Variants in KCNQ4 observed in about 807,000 individuals in gnomAD.
KCNQ4 encodes the protein potassium voltage-gated channel subfamily KQT member 4.
A neutral mutation model predicts 72.6 loss-of-function variants in KCNQ4; 31 were observed. The ratio of observed to expected loss-of-function variants is 0.43; its 90% CI spans 0.32 to 0.58. The LOEUF (loss-of-function observed/expected upper bound fraction) is 0.58. Among genes scored for constraint, KCNQ4 ranks in the 20% least tolerant of loss-of-function variants. The pLI, the probability that KCNQ4 is intolerant of heterozygous loss-of-function variation, is 0.08. For synonymous variants in KCNQ4, 405 were observed against 403.7 expected, an observed-to-expected ratio of 1.00 and a Z score of -0.04; for missense variants, 869 against 962.6, an observed-to-expected ratio of 0.90 and a Z score of 1.29.
chr1:40,804,646 T>C (rs1279805353), intron 1 of KCNQ4, among the ~76,000 whole-genome samples: 2 of 151,242 alleles, frequency 1.3e-5, no homozygotes, highest in Non-Finnish European at 2.9e-5. Flanking sequence ...GGAGACCCTG[T>C]CTCTACAAAA....
chr1:40,803,300 C>T (rs1409231044), intron 1 of KCNQ4, among the ~76,000 whole-genome samples: 1 of 152,226 alleles, frequency 6.6e-6, no homozygotes, highest in Non-Finnish European at 1.5e-5. Flanking sequence ...AGACTCCCAC[C>T]CAATCCCTTC....
rs1403978262 is a variant in KCNQ4, at chr1:40,838,335, G to T, written c.1900G>T (p.Asp634Tyr). Reference protein sequence around the residue: ...KQVQSIEHKLDLLLGFYSRCL... With the variant: ...KQVQSIEHKLYLLLGFYSRCL... ...GGTGCAGTCCATCGAGCACAAGCTG[G>T]ACCTGCTGTTGGGCTTCTATTCGCG... Residue 634 changes from aspartate to tyrosine, a missense_variant, in exon 14 of 14, where the codon GAC becomes TAC. This residue lies in a region of KCNQ4 where 480 missense variants were observed against 501.9 expected (regional missense o/e 0.96). Transcript: ENST00000347132. 2 of 1,613,790 alleles carry T rather than the reference G, an allele frequency of 1.2e-6. No individual in the cohort carries two copies.
chr1:40,784,413 T>A lies in KCNQ4; in HGVS notation c.314+6T>A, dbSNP rs779875548. Reference sequence around the variant, plus strand: ...TTCGTCTACCACGTCTTCATGTGAGTTTGCGACCCCGCGCCCTTCCGCGTT... The same window carrying A: ...TTCGTCTACCACGTCTTCATGTGAGATTGCGACCCCGCGCCCTTCCGCGTT... On this transcript the variant is annotated splice_donor_region_variant and intron_variant, in intron 1 of 13. Coordinates refer to ENST00000347132, the MANE Select transcript of KCNQ4 (RefSeq NM_004700.4). This position sits in a 1 kb window ranked among gnomAD's most constrained non-coding sequence, Gnocchi z 4.1. The A allele has an allele frequency of 6.2e-7, 1 of 1,606,652 alleles. No homozygotes were observed. The highest frequency in any genetic ancestry group is 1.1e-5 in the South Asian group (1 of 91,058).
rs371447630 is a variant in KCNQ4, at chr1:40,818,467, G to A, written c.533-38G>A. ...CCCCGCCTCCGGGTCCGTGCGCGGG[G>A]TAGGCTGGCTGTGATCTCGCCGCCC... is the stretch of plus-strand genomic sequence containing the variant. On this transcript the variant is annotated intron_variant, in intron 3 of 13. Transcript: ENST00000347132. The A allele has an allele frequency of 8.8e-6, 14 of 1,598,372 alleles. No homozygotes were observed. The South Asian group carries it at 1.1e-4, about 13-fold the overall frequency.
chr1:40,801,300 GTC>G (rs1647567842), intron 1 of KCNQ4, among the ~76,000 whole-genome samples: 2 of 152,108 alleles, frequency 1.3e-5, no homozygotes. Context: ...CCTTTGTTCT[GTC>G]TCAGTTTTTG....
intron 9 of KCNQ4, among the ~76,000 whole-genome samples, chr1:40,826,328 C>A (rs991140463): frequency 6.6e-6 from 1 of 152,220 alleles, no homozygotes; most frequent in Non-Finnish European, 1.5e-5. Flanking sequence ...GGTCTCCAGA[C>A]CTCCTGCATC....
intron 1 of KCNQ4, among the ~76,000 whole-genome samples, chr1:40,787,613 T>C (rs1557981588): frequency 1.3e-5 from 2 of 152,152 alleles, no homozygotes; most frequent in African/African-American, 4.8e-5. Flanking sequence ...CTTCTCCTGT[T>C]GGGATCCAGA....
At chr1:40,799,488 C>T (rs757813676) in intron 1 of KCNQ4, among the ~76,000 whole-genome samples, 3 of 152,060 alleles carry the variant, frequency 2.0e-5, no homozygotes, top group Non-Finnish European at 2.9e-5. Context: ...AAGAAAACAT[C>T]TTGGTCCCCC....
intron 10 of KCNQ4, among the ~76,000 whole-genome samples, chr1:40,832,711 C>A (rs76641631): frequency 3.1e-3 from 471 of 152,316 alleles, no homozygotes; most frequent in African/African-American, 0.011. Flanking sequence ...GGGGCTTCCT[C>A]CAGGGCTTTG....
chr1:40,828,998 T>C (rs184021802), intron 9 of KCNQ4, among the ~76,000 whole-genome samples: 19 of 152,376 alleles, frequency 1.2e-4, no homozygotes, highest in Admixed American at 2.0e-4. Context: ...TCAAGGTCTC[T>C]AGTGCAAGCC....
intron 1 of KCNQ4, among the ~76,000 whole-genome samples, chr1:40,806,917 C>T (rs1230709755): frequency 6.6e-6 from 1 of 152,188 alleles, no homozygotes; most frequent in Non-Finnish European, 1.5e-5. Flanking sequence ...TCCAGCTCTC[C>T]ATGAATCTGT....
At chr1:40,811,584 C>G (rs1040073176) in intron 1 of KCNQ4, among the ~76,000 whole-genome samples, 1 of 152,230 alleles carries the variant, frequency 6.6e-6, no homozygotes, top group Non-Finnish European at 1.5e-5. Flanking sequence ...CTAAGCAAAC[C>G]ATTCACTTTT....
intron 12 of KCNQ4, 30 bp from the exon 13 acceptor site, chr1:40,837,635 C>T (rs1334682215): frequency 2.5e-6 from 4 of 1,605,810 alleles, no homozygotes; most frequent in East Asian, 2.2e-5. Context: ...GGCGTGTCCC[C>T]GGGCCCTCTG....
chr1:40,785,921 T>C, intron 1 of KCNQ4, among the ~76,000 whole-genome samples: 1 of 152,106 alleles, frequency 6.6e-6, no homozygotes, highest in East Asian at 1.9e-4. Flanking sequence ...AGACCTCAGC[T>C]GGGCTAGGCT....
chr1:40,818,881 G>A (rs1389114302), intron 4 of KCNQ4: 5 of 649,858 alleles, frequency 7.7e-6, no homozygotes, highest in Non-Finnish European at 1.4e-5. Flanking sequence ...GGCGGGCCTA[G>A]GAGTCCGGAC....
chr1:40,806,130 C>T lies in KCNQ4; in HGVS notation c.315-11135C>T, dbSNP rs543196747. 1.8e-4 allele frequency among the ~76,000 whole-genome samples: 28 copies of T among 152,324 alleles called. No homozygotes were observed. In the East Asian group the frequency reaches 3.9e-3, roughly 21 times the overall value. Reference sequence around the variant, plus strand: ...TGCTGGGATTACAGGCGTGAGCCACCGCGCCCGGCCTCACATGAAATTTTT... The same window carrying T: ...TGCTGGGATTACAGGCGTGAGCCACTGCGCCCGGCCTCACATGAAATTTTT... On this transcript the variant is annotated intron_variant, in intron 1 of 13. Transcript: ENST00000347132.
intron 1 of KCNQ4, among the ~76,000 whole-genome samples, chr1:40,809,117 T>A (rs1647850913): frequency 6.6e-6 from 1 of 152,238 alleles, no homozygotes; most frequent in Admixed American, 6.5e-5. Context: ...CACTGTTGTC[T>A]ACTCCCGCTT....
chr1:40,791,649 C>G (rs986740934), intron 1 of KCNQ4, among the ~76,000 whole-genome samples: 5 of 152,178 alleles, frequency 3.3e-5, no homozygotes, highest in Non-Finnish European at 5.9e-5. Context: ...CCTCCTCACC[C>G]CACGGAGATT....
At chr1:40,805,911 G>A (rs1000209046) in intron 1 of KCNQ4, among the ~76,000 whole-genome samples, 7 of 151,824 alleles carry the variant, frequency 4.6e-5, no homozygotes, top group African/African-American at 1.5e-4. Flanking sequence ...GCGCAATCTC[G>A]GCTCACTGCA....
Sources: gnomAD v4.1 joint callset for allele counts (sites outside exome capture counted in the v4.1 genomes callset) on GRCh38, gnomAD v4.1.1 for gene constraint, gnomAD v4.1.1 regional missense constraint, Gnocchi (gnomAD v3.1) non-coding constraint, MANE v1.5 for transcripts, NCBI Gene and HGNC (gene_info 2026-07-23, HGNC 2026-07-21) for gene names.